Variants in OR2L13 observed in about 807,000 individuals in gnomAD.
The protein encoded by OR2L13 is olfactory receptor family 2 subfamily L member 13, also known as olfactory receptor 2L13.
OR2L13 carries 14 observed loss-of-function variants against 15.3 expected under a neutral mutation model. The observed-to-expected ratio is 0.91, with a 90% CI of 0.60 to 1.43. The LOEUF is 1.43. Ranked by LOEUF, OR2L13 falls within the 40% of genes most tolerant of loss-of-function variation. OR2L13 has a pLI of 0.00. For missense variants in OR2L13, 367 were observed against 387.9 expected, an observed-to-expected ratio of 0.95 and a Z score of 0.45; for synonymous variants, 152 against 142.9, an observed-to-expected ratio of 1.06 and a Z score of -0.45.
the OR2L13 span, chr1:247,948,908 T>G: frequency 6.2e-7 from 1 of 1,613,538 alleles, no homozygotes; most frequent in Admixed American, 1.7e-5. Context: ...TGGGGCTGTT[T>G]CCACCATCAA....
At chr1:248,069,004 T>TAGCTGAAAGTGA in the OR2L13 span, among the ~76,000 whole-genome samples, 1 of 152,214 alleles carries the variant, frequency 6.6e-6, no homozygotes, top group Non-Finnish European at 1.5e-5. Context: ...CTGATTGGTG[T>TAGCTGAAAGTGA]ACCTGAAAGT....
At chr1:247,948,822 T>C in the OR2L13 span, 2 of 1,532,876 alleles carry the variant, frequency 1.3e-6, no homozygotes, top group South Asian at 1.3e-5. Context: ...AAATTACTCT[T>C]GTGTCTCCCT....
the OR2L13 span, among the ~76,000 whole-genome samples, chr1:247,971,726 C>A: frequency 6.6e-6 from 1 of 152,044 alleles, no homozygotes; most frequent in African/African-American, 2.4e-5. Flanking sequence ...TGAAAATTTA[C>A]AAGGATATTC....
At chr1:248,011,926 C>T in the OR2L13 span, among the ~76,000 whole-genome samples, 1 of 152,020 alleles carries the variant, frequency 6.6e-6, no homozygotes, top group South Asian at 2.1e-4. Context: ...TCACCTGAGT[C>T]TTGTATCTTT....
chr1:248,044,672 G>C, the OR2L13 span, among the ~76,000 whole-genome samples: 3 of 117,388 alleles, frequency 2.6e-5, 1 homozygote, highest in Non-Finnish European at 4.7e-5. Flanking sequence ...GCGCGGTGGC[G>C]GGCGCCTGTA....
At chr1:248,044,389 A>G in the OR2L13 span, among the ~76,000 whole-genome samples, 73 of 152,316 alleles carry the variant, frequency 4.8e-4, no homozygotes, top group Middle Eastern at 3.4e-3. Flanking sequence ...TAACTTGTCT[A>G]AGAAACTGAC....
At chr1:248,006,243 A>ATGTGTG in the OR2L13 span, among the ~76,000 whole-genome samples, 1,784 of 139,650 alleles carry the variant, frequency 0.013, 7 homozygotes, top group African/African-American at 0.016. Flanking sequence ...ATTGCAAGAT[A>ATGTGTG]TGTGTGTGTG....
At chr1:247,949,306 T>C in the OR2L13 span, 13 of 1,614,064 alleles carry the variant, frequency 8.1e-6, no homozygotes, top group African/African-American at 1.6e-4. Context: ...TCTTGGATCA[T>C]AGGCTCGATC....
the OR2L13 span, chr1:248,023,319 C>CT: frequency 1.3e-5 from 2 of 152,446 alleles, no homozygotes; most frequent in African/African-American, 4.8e-5. Flanking sequence ...ATGTGTTCCT[C>CT]TTTTTGCTAA....
the OR2L13 span, among the ~76,000 whole-genome samples, chr1:247,938,493 A>G: frequency 6.6e-6 from 1 of 152,256 alleles, no homozygotes; most frequent in African/African-American, 2.4e-5. Flanking sequence ...ATAGAAGTTT[A>G]GAAGTCAGAA....
chr1:248,073,502 G>A, the OR2L13 span, among the ~76,000 whole-genome samples: 5 of 151,988 alleles, frequency 3.3e-5, no homozygotes, highest in Non-Finnish European at 5.9e-5. Flanking sequence ...GGGAGGGATA[G>A]CATTAGGAGA....
the OR2L13 span, among the ~76,000 whole-genome samples, chr1:248,072,166 C>T: frequency 6.6e-6 from 1 of 151,974 alleles, no homozygotes; most frequent in Non-Finnish European, 1.5e-5. Context: ...GCCCACATTG[C>T]CAACTCAATC....
the OR2L13 span, among the ~76,000 whole-genome samples, chr1:248,078,809 C>T: frequency 6.6e-6 from 1 of 152,016 alleles, no homozygotes; most frequent in Admixed American, 6.6e-5. Context: ...AAATTATTGA[C>T]ACATATGATA....
chr1:248,005,869 T>G, the OR2L13 span, among the ~76,000 whole-genome samples: 1 of 152,182 alleles, frequency 6.6e-6, no homozygotes, highest in African/African-American at 2.4e-5. Context: ...AAAACATACA[T>G]TTTGAACTTG....
At chr1:248,081,363 G>T in the OR2L13 span, among the ~76,000 whole-genome samples, 4 of 151,908 alleles carry the variant, frequency 2.6e-5, no homozygotes, top group African/African-American at 2.4e-5. Flanking sequence ...TCTTACATTT[G>T]CTTGGAGATA....
chr1:248,061,563 G>A, the OR2L13 span: 2 of 1,613,720 alleles, frequency 1.2e-6, no homozygotes, highest in East Asian at 2.2e-5. Flanking sequence ...TGAGGAACAA[G>A]GAGGTGATGG....
At chr1:248,002,464 C>T in the OR2L13 span, among the ~76,000 whole-genome samples, 2 of 141,464 alleles carry the variant, frequency 1.4e-5, no homozygotes, top group Non-Finnish European at 3.0e-5. Context: ...TAAGTGAATT[C>T]ATGCAATATT....
the OR2L13 span, among the ~76,000 whole-genome samples, chr1:247,987,769 C>T: frequency 9.2e-4 from 140 of 152,154 alleles, no homozygotes; most frequent in African/African-American, 3.2e-3. Context: ...TAGTTACCTG[C>T]TCCCCCCAGC....
the OR2L13 span, among the ~76,000 whole-genome samples, chr1:248,029,532 A>G: frequency 1.3e-5 from 2 of 152,162 alleles, no homozygotes; most frequent in African/African-American, 2.4e-5. Context: ...GAGAAAAATC[A>G]CTGTATAATT....
Sources: allele counts gnomAD v4.1 joint callset (sites outside exome capture counted in the v4.1 genomes callset), GRCh38; gene constraint gnomAD v4.1.1; transcripts MANE v1.5; gene names NCBI Gene and HGNC (gene_info 2026-07-23, HGNC 2026-07-21).